CKMT1A: variants seen among roughly 807,000 people sequenced by gnomAD.
The protein encoded by CKMT1A is creatine kinase U-type, mitochondrial.
CKMT1A carries 23 observed loss-of-function variants against 21.8 expected under a neutral mutation model. The observed-to-expected ratio is 1.05, with a 90% confidence interval of 0.76 to 1.49. The LOEUF is 1.49. CKMT1A is among the 40% of genes most tolerant of loss of function. The probability of loss-of-function intolerance (pLI) is 0.00; values close to 1 mark genes in which losing one functional copy is unlikely to be tolerated. For synonymous variants in CKMT1A, 67 were observed against 80.4 expected (o/e 0.83, Z 0.89); for missense variants, 154 against 229.4 (o/e 0.67, Z 2.12).
chr15:43,696,151 G>T (rs2086439858), intron 5 of CKMT1A, 27 bp downstream of exon 5: 3 of 1,082,554 alleles, frequency 2.8e-6, no homozygotes, highest in African/African-American at 1.9e-5. Flanking sequence ...TACCTCTTTT[G>T]TCTTCATGCC....
In CKMT1A at chr15:43,695,779, G is replaced by C; in HGVS notation, c.536G>C (p.Cys179Ser). ...CGAGGACTCAGTCTGCCTCCAGCTTGCACTCGAGCAGAGCGACGAGAGGTG... is the reference window on the plus strand; with the variant it reads ...CGAGGACTCAGTCTGCCTCCAGCTTCCACTCGAGCAGAGCGACGAGAGGTG... ...SIRGLSLPPA[C>S]TRAERREVER... The change falls in exon 4 of 9, where the codon TGC (cysteine) becomes TCC (serine). Residue 179 changes from cysteine to serine, a missense_variant. Physicochemically the swap from Cys to Ser is moderately radical, Grantham distance 112 (BLOSUM62 -1). Coordinates refer to ENST00000413453, the MANE Select transcript of CKMT1A (RefSeq NM_001321926.2). 7.7e-6 allele frequency: 1 copy of C among 130,214 alleles called. No homozygotes were observed. Among genetic ancestry groups the C allele is most frequent in the Non-Finnish European group, 1.3e-5 (1 of 77,498 alleles). The allele number at this position is 130,214 out of a possible 1,614,324, so 8.1% of individuals were successfully genotyped here.
chr15:43,697,976 T>G, intron 6 of CKMT1A, 38 bp from the exon 7 acceptor site: 1 of 1,613,376 alleles, frequency 6.2e-7, no homozygotes, highest in African/African-American at 1.3e-5. Context: ...TAATGAAATA[T>G]CCCTGATTTT....
chr15:43,696,291 A>G lies in CKMT1A; in HGVS notation c.804A>G (p.Thr268=), dbSNP rs765772479. 10 of 1,600,784 alleles carry G rather than the reference A, an allele frequency of 6.2e-6. 1 individual carries two copies. Among genetic ancestry groups the G allele is most frequent in the Non-Finnish European group, 7.7e-6 (9 of 1,172,432 alleles). The change falls in exon 6 of 9, where the codon ACA becomes ACG. Residue 268 remains threonine, a synonymous_variant. Transcript: ENST00000413453. ...TCTGGGTGAATGAGGAGGATCATAC[A>G]CGGGTGATCTCCATGGAGAAGGGTG... ...FLIWVNEEDH[T]RVISMEKGGN...
rs1350984776 is a variant in CKMT1A, at chr15:43,696,127, A to T, written c.752+3A>T. ...TGGCCAGATGCTCGTGGAATTTGGT[A>T]TGAAGCTGCTCATTACCTCTTTTGT... On this transcript the variant is annotated splice_donor_region_variant and intron_variant, in intron 5 of 8. Coordinates refer to ENST00000413453, the MANE Select transcript of CKMT1A (RefSeq NM_001321926.2). 8.3e-6 allele frequency: 7 copies of T among 843,702 alleles called. No homozygotes were observed. Among genetic ancestry groups the T allele is most frequent in the African/African-American group, 4.5e-5 (2 of 44,130 alleles). The allele number at this position is 843,702 out of a possible 1,614,324, so 52.3% of individuals were successfully genotyped here.
rs1335329273 is a variant in CKMT1A at position 43,699,084 on chromosome 15, C to G, written c.1249C>G (p.His417Asp). Residue 417 changes from histidine to aspartate, a missense_variant, in exon 9 of 9, where the codon CAT (histidine) becomes GAT (aspartate). Physicochemically the swap from His to Asp is moderately conservative, Grantham distance 81 (BLOSUM62 -1). Transcript: ENST00000413453. The part of the protein sequence containing the change: ...RIPTPVIHTK[H>D] ...CCCCACACCTGTCATCCACACCAAG[C>G]ATTAACTCCCCATCGCCAGCTGATG... 1 of 1,613,392 alleles carries G rather than the reference C, an allele frequency of 6.2e-7. No homozygotes were observed. The highest frequency in any genetic ancestry group is 8.5e-7 in the Non-Finnish European group (1 of 1,179,900).
chr15:43,698,695 G>A lies in CKMT1A; in HGVS notation c.1066G>A (p.Gly356Arg). ...CCTAAGACTCCAAAAGCGTGGTACTGGAGGAGTGGACACTGCTGCCACAGG... is the reference window on the plus strand; with the variant it reads ...CCTAAGACTCCAAAAGCGTGGTACTAGAGGAGTGGACACTGCTGCCACAGG... ...ENLRLQKRGTGGVDTAATGGV... is the reference protein window; with the variant it reads ...ENLRLQKRGTRGVDTAATGGV... The change falls in exon 8 of 9, where the codon GGA becomes AGA. Residue 356 changes from glycine to arginine, a missense_variant. Physicochemically the swap from Gly to Arg is moderately radical, Grantham distance 125 (BLOSUM62 -2). Coordinates refer to ENST00000413453, the MANE Select transcript of CKMT1A (RefSeq NM_001321926.2). 5 of 1,613,650 alleles carry A rather than the reference G, an allele frequency of 3.1e-6. No individual in the cohort carries two copies. The Admixed American group carries it at 6.7e-5, about 22-fold the overall frequency.
chr15:43,696,213 T>C lies in CKMT1A; in HGVS notation c.753-27T>C, dbSNP rs1169253539. On this transcript the variant is annotated intron_variant, in intron 5 of 8. Coordinates refer to ENST00000413453, the MANE Select transcript of CKMT1A (RefSeq NM_001321926.2). ...CTCTCCCAATTCTTGCCTTGCCTCT[T>C]GATCACTGTCCCTCTCCGGCCCTCA... 144 of 1,531,778 alleles carry C rather than the reference T, an allele frequency of 9.4e-5. 2 individuals carry two copies. Among genetic ancestry groups the C allele is most frequent in the Non-Finnish European group, 1.2e-4 (135 of 1,131,886 alleles). The allele number at this position is 1,531,778 out of a possible 1,614,324, so 94.9% of individuals were successfully genotyped here.
At chr15:43,692,808 CAA>C (rs2086431952), upstream of CKMT1A, 1 of 100,742 alleles carries the variant, frequency 9.9e-6, no homozygotes, top group South Asian at 3.4e-4. Context: ...ATTAGGGAGA[CAA>C]GAGAGGAAAC....
chr15:43,696,203 C>G (rs768586034), intron 5 of CKMT1A, 37 bp from the exon 6 acceptor site: 1 of 1,498,464 alleles, frequency 6.7e-7, no homozygotes, highest in Admixed American at 2.0e-5. Flanking sequence ...CCAATTCTTG[C>G]CTTGCCTCTT....
At chr15:43,697,739 T>A in intron 6 of CKMT1A, 1 of 984,720 alleles carries the variant, frequency 1.0e-6, no homozygotes, top group Non-Finnish European at 1.2e-6. Context: ...TTCATTTCCC[T>A]AGATCATCCT....
intron 7 of CKMT1A, 30 bp from the exon 8 acceptor site, chr15:43,698,611 C>A (rs772523946): frequency 6.9e-6 from 11 of 1,605,784 alleles, no homozygotes; most frequent in South Asian, 1.1e-5. Context: ...CCTCTATTGA[C>A]CCTGCTCCCA....
intron 6 of CKMT1A, chr15:43,697,455 A>C (rs1214082734): frequency 2.0e-6 from 2 of 984,764 alleles, no homozygotes; most frequent in African/African-American, 3.5e-5. Flanking sequence ...CTTCATGACT[A>C]CATGGTTAAT....
At chr15:43,697,802 A>G in intron 6 of CKMT1A, 1 of 984,206 alleles carries the variant, frequency 1.0e-6, no homozygotes, top group African/African-American at 1.7e-5. Context: ...TTTTTTCACA[A>G]TCTCATTATT....
chr15:43,697,343 T>C (rs1354631729), intron 6 of CKMT1A: 13 of 1,254,574 alleles, frequency 1.0e-5, no homozygotes, highest in East Asian at 5.6e-5. Context: ...GGTGGCATGG[T>C]TCCTTCTGAA....
At chr15:43,696,496 T>A in intron 6 of CKMT1A, 133 bp downstream of exon 6, 1 of 1,411,384 alleles carries the variant, frequency 7.1e-7, no homozygotes, top group Non-Finnish European at 9.7e-7. Context: ...TAGGACTCAC[T>A]CTAGGACTAA....
Position 43,699,074 on chromosome 15 carries a change from C to T in CKMT1A, c.1239C>T (p.Ile413=). 2 of 1,613,516 alleles carry T rather than the reference C, an allele frequency of 1.2e-6. No homozygotes were observed. Among genetic ancestry groups the T allele is most frequent in the Non-Finnish European group, 1.7e-6 (2 of 1,179,886 alleles). ...GQDIRIPTPV[I]HTKH is the part of the protein sequence containing the mutation. ...ATATCCGCATCCCCACACCTGTCAT[C>T]CACACCAAGCATTAACTCCCCATCG... The change falls in exon 9 of 9, where the codon ATC becomes ATT. Residue 413 remains isoleucine, a synonymous_variant. Transcript: ENST00000413453.
intron 6 of CKMT1A, chr15:43,697,613 T>A: frequency 1.0e-6 from 1 of 984,566 alleles, no homozygotes; most frequent in Non-Finnish European, 1.2e-6. Flanking sequence ...TACACCTTCA[T>A]CTTCTGTCTG....
intron 6 of CKMT1A, 36 bp from the exon 7 acceptor site, chr15:43,697,978 C>T: frequency 6.2e-7 from 1 of 1,613,072 alleles, no homozygotes. Flanking sequence ...ATGAAATATC[C>T]CTGATTTTTC....
intron 6 of CKMT1A, 102 bp from the exon 7 acceptor site, chr15:43,697,912 T>C: frequency 2.6e-6 from 4 of 1,532,304 alleles, no homozygotes; most frequent in Non-Finnish European, 3.5e-6. Flanking sequence ...CAAGTTTCTA[T>C]TCTAGACAAA....
Sources: gnomAD v4.1 joint callset for allele counts on GRCh38, gnomAD v4.1.1 for gene constraint, MANE v1.5 for transcripts, NCBI Gene and HGNC (gene_info 2026-07-23, HGNC 2026-07-21) for gene names.